Variants in RARB observed in about 807,000 individuals in gnomAD.
RARB encodes HBV-activated protein.
Under a neutral mutation model 51.9 loss-of-function variants are expected in RARB, and 17 were observed. The observed-to-expected ratio is 0.33, with a 90% CI of 0.22 to 0.49. The LOEUF (loss-of-function observed/expected upper bound fraction) is 0.49, where lower values mean the gene tolerates loss of function less well. Ranked by LOEUF, RARB falls within the 20% of genes least tolerant of loss-of-function variation. RARB has a pLI of 0.99. For missense variants in RARB, 369 were observed against 550.8 expected (o/e 0.67, Z 3.30); for synonymous variants, 215 against 195.4 (o/e 1.10, Z -0.84).
intron 2 of RARB, among the ~76,000 whole-genome samples, chr3:24,876,112 G>A (rs1054361612): frequency 3.9e-5 from 6 of 152,146 alleles, no homozygotes; most frequent in Admixed American, 3.9e-4. Flanking sequence ...AAGGATACAT[G>A]ATGTCAATGC....
intron 1 of RARB, among the ~76,000 whole-genome samples, chr3:25,435,027 C>T (rs1207317738): frequency 6.6e-6 from 1 of 152,088 alleles, no homozygotes; most frequent in East Asian, 1.9e-4. Flanking sequence ...TCCAAAGTAT[C>T]TGATTTGAGA....
At chr3:24,995,972 T>C (rs1341003939) in intron 2 of RARB, among the ~76,000 whole-genome samples, 2 of 152,108 alleles carry the variant, frequency 1.3e-5, no homozygotes, top group African/African-American at 2.4e-5. Context: ...GCTGGCCTCA[T>C]AGAATGAGTT....
intron 5 of RARB, among the ~76,000 whole-genome samples, chr3:25,219,652 T>A (rs1461317081): frequency 6.6e-6 from 1 of 152,194 alleles, no homozygotes; most frequent in Non-Finnish European, 1.5e-5. Flanking sequence ...AAACCCCGTC[T>A]TATCAGCATC....
intron 3 of RARB, among the ~76,000 whole-genome samples, chr3:25,120,907 G>C (rs1388474587): frequency 6.6e-6 from 1 of 152,160 alleles, no homozygotes; most frequent in Non-Finnish European, 1.5e-5. Context: ...TCCCATGGCA[G>C]AGTCAGAACT....
At chr3:25,507,450 G>A (rs1697666524) in intron 3 of RARB, among the ~76,000 whole-genome samples, 1 of 152,148 alleles carries the variant, frequency 6.6e-6, no homozygotes, top group Non-Finnish European at 1.5e-5. Flanking sequence ...GAGAAACATT[G>A]GTATTGACTA....
In RARB at chr3:25,534,309, C is replaced by T. The variant is rs573396155; in HGVS notation, c.448+32986C>T. Among the ~76,000 whole-genome samples the T allele has an allele frequency of 3.3e-5, 5 of 152,256 alleles. No individual in the cohort carries two copies. The South Asian group carries it at 1.0e-3, about 32-fold the overall frequency. The stretch of plus-strand genomic sequence containing the variant: ...AGAAGTTTGGATGGGTACCTATGTA[C>T]CGTGCTTGGGTACTTTGTACCTGGT... On this transcript the variant is annotated intron_variant, in intron 3 of 7. Transcript: ENST00000330688.
chr3:25,165,259 G>GCT (rs1222057705), intron 4 of RARB, among the ~76,000 whole-genome samples: 1 of 151,934 alleles, frequency 6.6e-6, no homozygotes, highest in Non-Finnish European at 1.5e-5. Context: ...TTGCTTCTCT[G>GCT]CTCTCTCTCA....
At chr3:25,484,660 C>G (rs1696378611) in intron 2 of RARB, among the ~76,000 whole-genome samples, 1 of 151,870 alleles carries the variant, frequency 6.6e-6, no homozygotes, top group Non-Finnish European at 1.5e-5. Context: ...ACAGCCAATC[C>G]ATTCATTTCT....
intron 2 of RARB, among the ~76,000 whole-genome samples, chr3:25,040,484 G>T (rs149020159): frequency 6.6e-6 from 1 of 152,310 alleles, no homozygotes; most frequent in African/African-American, 2.4e-5. Context: ...TGTGATCTCA[G>T]CACTTTGGGA....
At chr3:25,164,082 G>A (rs916822102) in intron 4 of RARB, among the ~76,000 whole-genome samples, 5 of 152,026 alleles carry the variant, frequency 3.3e-5, no homozygotes, top group African/African-American at 4.8e-5. Flanking sequence ...CTGGCTGCCT[G>A]GCTTGATAAA....
chr3:25,060,395 C>T (rs79532048), intron 3 of RARB, among the ~76,000 whole-genome samples: 3,413 of 151,714 alleles, frequency 0.022, 113 homozygotes, highest in African/African-American at 0.077. Flanking sequence ...GATAGAATGT[C>T]TTATTTTCTC....
intron 1 of RARB, among the ~76,000 whole-genome samples, chr3:24,856,192 T>C (rs1702632158): frequency 6.6e-6 from 1 of 152,152 alleles, no homozygotes; most frequent in African/African-American, 2.4e-5. Context: ...TTTGCAGGGA[T>C]AAAAATTCAT....
chr3:25,043,038 A>C (rs949000337), intron 2 of RARB, among the ~76,000 whole-genome samples: 2 of 152,210 alleles, frequency 1.3e-5, no homozygotes, highest in Admixed American at 1.3e-4. Flanking sequence ...ATGTGCCTTC[A>C]TGATGTAATG....
intron 3 of RARB, among the ~76,000 whole-genome samples, chr3:25,068,610 C>G (rs1324669566): frequency 6.6e-6 from 1 of 152,092 alleles, no homozygotes; most frequent in African/African-American, 2.4e-5. Flanking sequence ...CTTTCTTCTA[C>G]TTGTCCATGA....
intron 5 of RARB, among the ~76,000 whole-genome samples, chr3:25,299,465 G>T (rs761594062): frequency 2.0e-5 from 3 of 152,070 alleles, no homozygotes; most frequent in East Asian, 1.9e-4. Flanking sequence ...CTCCCAAATT[G>T]CTGGGATTAC....
intron 5 of RARB, among the ~76,000 whole-genome samples, chr3:25,182,274 T>C (rs1386962692): frequency 6.6e-6 from 1 of 152,120 alleles, no homozygotes; most frequent in African/African-American, 2.4e-5. Flanking sequence ...GCTCTAGCTG[T>C]TGAGAGGAAG....
At chr3:25,201,475 G>A (rs550537466) in intron 5 of RARB, among the ~76,000 whole-genome samples, 6 of 152,152 alleles carry the variant, frequency 3.9e-5, no homozygotes, top group Non-Finnish European at 4.4e-5. Flanking sequence ...GTGTTGCATA[G>A]GAGTGGTGAA....
In RARB at chr3:25,486,192, A is replaced by G. The variant is rs114108520; in HGVS notation, c.307-14990A>G. Among the ~76,000 whole-genome samples, 594 of 152,304 alleles carry G rather than the reference A, an allele frequency of 3.9e-3. 3 individuals carry two copies. The highest frequency in any genetic ancestry group is 0.014 in the African/African-American group (571 of 41,560). On this transcript the variant is annotated intron_variant, in intron 2 of 7. Coordinates refer to ENST00000330688, the MANE Select transcript of RARB (RefSeq NM_000965.5). ...GATCTTACCAAACCAGCCATGTGTCACAAAAGGTATAGAGCTAAGGCTTAT... is the reference window on the plus strand; with the variant it reads ...GATCTTACCAAACCAGCCATGTGTCGCAAAAGGTATAGAGCTAAGGCTTAT...
chr3:24,919,644 A>T (rs1420258966), intron 2 of RARB, among the ~76,000 whole-genome samples: 1 of 152,244 alleles, frequency 6.6e-6, no homozygotes, highest in East Asian at 1.9e-4. Flanking sequence ...TTGCTCAATT[A>T]AACTGTTTAG....
Sources: allele counts gnomAD v4.1 joint callset (sites outside exome capture counted in the v4.1 genomes callset), GRCh38; gene constraint gnomAD v4.1.1; transcripts MANE v1.5; gene names NCBI Gene and HGNC (gene_info 2026-07-23, HGNC 2026-07-21).